The following NTAQ1 variants were observed in gnomAD, a reference collection of about 807,000 sequenced individuals.
NTAQ1 encodes N-terminal glutamine amidase 1.
Under a neutral mutation model 28.2 loss-of-function variants are expected in NTAQ1, and 21 were observed. That is an observed-to-expected ratio of 0.74 (90% CI 0.53 to 1.07). NTAQ1 has a LOEUF of 1.07. Ranked by LOEUF, NTAQ1 falls within the 50% of genes least tolerant of loss-of-function variation. The probability of loss-of-function intolerance (pLI) is 0.00; values close to 1 mark genes in which losing one functional copy is unlikely to be tolerated. For missense variants in NTAQ1, 264 were observed against 256.6 expected, an observed-to-expected ratio of 1.03 and a Z score of -0.20; for synonymous variants, 105 against 90.0, an observed-to-expected ratio of 1.17 and a Z score of -0.94.
At chr8:123,421,970 G>A (rs562268586) in intron 1 of NTAQ1, among the ~76,000 whole-genome samples, 10 of 151,974 alleles carry the variant, frequency 6.6e-5, no homozygotes, top group Admixed American at 2.0e-4. Context: ...GTGAGCCACC[G>A]CGCCCAGCCT....
downstream of NTAQ1, among the ~76,000 whole-genome samples, chr8:123,452,969 C>A (rs1815546874): frequency 6.6e-6 from 1 of 152,220 alleles, no homozygotes; most frequent in Admixed American, 6.5e-5. Flanking sequence ...AGCAGAACTT[C>A]ACTTAGAGTC....
At chr8:123,472,816 A>G (rs1816053889), downstream of NTAQ1, among the ~76,000 whole-genome samples, 1 of 152,250 alleles carries the variant, frequency 6.6e-6, no homozygotes, top group Non-Finnish European at 1.5e-5. Context: ...AGAAAGAGGC[A>G]GGGAGAGTAA....
chr8:123,437,050 A>G (rs1490386345), intron 4 of NTAQ1, among the ~76,000 whole-genome samples, 160 bp from the exon 5 acceptor site: 1 of 152,102 alleles, frequency 6.6e-6, no homozygotes, highest in Non-Finnish European at 1.5e-5. Flanking sequence ...ATCATTTCCT[A>G]TGCTTCTCTA....
At chr8:123,469,440 C>A (rs3847178) in exon 7 of NTAQ1, among the ~76,000 whole-genome samples, 37,447 of 152,066 alleles carry the variant, frequency 0.25, 4,984 homozygotes, top group African/African-American at 0.33. Flanking sequence ...ACAAATTTAC[C>A]TACACCATGG....
downstream of NTAQ1, among the ~76,000 whole-genome samples, chr8:123,448,851 G>GGGCTAGAGGTCCTCAAAGATGTCTT (rs1815379229): frequency 1.3e-5 from 2 of 152,120 alleles, no homozygotes; most frequent in Non-Finnish European, 2.9e-5. Context: ...CTTGTCCCGT[G>GGGCTAGAGGTCCTCAAAGATGTCTT]GGCTAGAGGT....
intron 6 of NTAQ1, among the ~76,000 whole-genome samples, chr8:123,460,547 T>C (rs964479030): frequency 6.6e-6 from 1 of 152,222 alleles, no homozygotes; most frequent in Non-Finnish European, 1.5e-5. Context: ...GTGGGCTGTC[T>C]GTGGCACACG....
At chr8:123,417,977 CCT>C (rs1813410978) in intron 1 of NTAQ1, among the ~76,000 whole-genome samples, 2 of 152,306 alleles carry the variant, frequency 1.3e-5, no homozygotes, top group Admixed American at 1.3e-4. Context: ...TTCTGTCCTG[CCT>C]CTCTTCTAAA....
chr8:123,445,849 G>A (rs932500487), downstream of NTAQ1, among the ~76,000 whole-genome samples: 1 of 150,164 alleles, frequency 6.7e-6, no homozygotes, highest in African/African-American at 2.5e-5. Flanking sequence ...CAAGAGATCC[G>A]CCTGCCTCAG....
downstream of NTAQ1, among the ~76,000 whole-genome samples, chr8:123,451,719 A>G (rs1302196483): frequency 1.3e-5 from 2 of 152,150 alleles, no homozygotes; most frequent in Non-Finnish European, 2.9e-5. Flanking sequence ...GTGTCTTGGT[A>G]TCTGATACCT....
intron 3 of NTAQ1, among the ~76,000 whole-genome samples, chr8:123,435,977 T>C (rs1814683686): frequency 6.6e-6 from 1 of 151,554 alleles, no homozygotes; most frequent in Non-Finnish European, 1.5e-5. Context: ...AGACCAGCCT[T>C]GCCAGCATGA....
the NTAQ1 span, among the ~76,000 whole-genome samples, chr8:123,475,118 T>A: frequency 2.5e-4 from 38 of 152,336 alleles, no homozygotes; most frequent in African/African-American, 8.9e-4. Context: ...TGATGAATAT[T>A]TATTTTATTT....
intron 6 of NTAQ1, among the ~76,000 whole-genome samples, chr8:123,459,067 A>G (rs2130414904): frequency 6.6e-6 from 1 of 151,396 alleles, no homozygotes; most frequent in South Asian, 2.1e-4. Context: ...ACAGAGTGAG[A>G]CTCCGTCTCA....
chr8:123,422,606 G>GTTTTTTT (rs112284256), intron 1 of NTAQ1, among the ~76,000 whole-genome samples: 72 of 134,404 alleles, frequency 5.4e-4, no homozygotes, highest in African/African-American at 1.5e-3. Flanking sequence ...TCCATTGATA[G>GTTTTTTT]TTTTTTTTTT....
At chr8:123,432,679 A>G (rs1814468567) in intron 3 of NTAQ1, among the ~76,000 whole-genome samples, 1 of 72,424 alleles carries the variant, frequency 1.4e-5, no homozygotes, top group Non-Finnish European at 2.4e-5. Flanking sequence ...TTTAAATTTT[A>G]TTTATGTATT....
chr8:123,419,594 T>C (rs572441570), intron 1 of NTAQ1, among the ~76,000 whole-genome samples: 1 of 152,306 alleles, frequency 6.6e-6, no homozygotes, highest in South Asian at 2.1e-4. Flanking sequence ...TTTCAAACAA[T>C]TGTGGAGTGC....
intron 6 of NTAQ1, among the ~76,000 whole-genome samples, chr8:123,460,127 A>G (rs1815777192): frequency 6.6e-6 from 1 of 152,108 alleles, no homozygotes; most frequent in Non-Finnish European, 1.5e-5. Context: ...ATTTCACAGC[A>G]GATATCTCTT....
chr8:123,464,585 G>A (rs1040405552), intron 6 of NTAQ1, among the ~76,000 whole-genome samples: 5 of 152,196 alleles, frequency 3.3e-5, no homozygotes, highest in Admixed American at 6.5e-5. Context: ...TCAAGGGTAC[G>A]ATGGGGGCTC....
chr8:123,450,485 G>C (rs7825955), downstream of NTAQ1, among the ~76,000 whole-genome samples: 54,608 of 151,188 alleles, frequency 0.36, 10,004 homozygotes, highest in East Asian at 0.56. Flanking sequence ...TTGCCAGGTT[G>C]TCAGCTGATT....
intron 1 of NTAQ1, among the ~76,000 whole-genome samples, chr8:123,417,199 A>C (rs1813351645): frequency 6.6e-6 from 1 of 152,214 alleles, no homozygotes; most frequent in African/African-American, 2.4e-5. Flanking sequence ...GGATTTGCTC[A>C]GCAGATCTCT....
Sources: gnomAD v4.1 joint callset for allele counts (sites outside exome capture counted in the v4.1 genomes callset) on GRCh38, gnomAD v4.1.1 for gene constraint, MANE v1.5 for transcripts, NCBI Gene and HGNC (gene_info 2026-07-23, HGNC 2026-07-21) for gene names.